Variants in BBX observed in about 807,000 individuals in gnomAD.
BBX encodes the protein HMG box transcription factor BBX.
A neutral mutation model predicts 100.2 loss-of-function variants in BBX; 30 were observed. The ratio of observed to expected loss-of-function variants is 0.30; its 90% confidence interval spans 0.22 to 0.41. The LOEUF is 0.41. BBX is among the 10% of genes least tolerant of loss of function. The pLI is 1.00. For missense variants in BBX, 1,023 were observed against 1,129.8 expected, an observed-to-expected ratio of 0.91 and a Z score of 1.35; for synonymous variants, 376 against 388.1, an observed-to-expected ratio of 0.97 and a Z score of 0.37.
chr3:107,673,913 C>A (rs1466927391), intron 3 of BBX, among the ~76,000 whole-genome samples: 1 of 152,120 alleles, frequency 6.6e-6, no homozygotes, highest in Admixed American at 6.5e-5. Flanking sequence ...ACAAAAGAGG[C>A]ACTGTCCTCG....
intron 3 of BBX, among the ~76,000 whole-genome samples, chr3:107,660,261 A>T (rs958995311): frequency 6.6e-6 from 1 of 152,094 alleles, no homozygotes; most frequent in South Asian, 2.1e-4. Flanking sequence ...GAATTATTTG[A>T]CTTTTCCAAA....
At chr3:107,596,231 A>C (rs973892458) in intron 2 of BBX, among the ~76,000 whole-genome samples, 1 of 152,148 alleles carries the variant, frequency 6.6e-6, no homozygotes, top group East Asian at 1.9e-4. Flanking sequence ...TTCCATGCCT[A>C]CTGCAGTTAG....
intron 1 of BBX, 76 bp from the exon 2 acceptor site, chr3:107,526,251 A>T (rs574814438): frequency 2.5e-6 from 1 of 398,484 alleles, no homozygotes; most frequent in Non-Finnish European, 4.4e-6. Flanking sequence ...CTCTTCATAG[A>T]TGTTACAGGA....
rs1273805645 is a variant in BBX, at chr3:107,728,940, A to G, written c.581A>G (p.Gln194Arg). Residue 194 changes from glutamine to arginine, a missense_variant, in exon 6 of 18, where the codon CAG becomes CGG. Physicochemically the swap from Gln to Arg is conservative, Grantham distance 43. Transcript: ENST00000325805. ...AAAGCAAAGACTGAAGAAATGCCTC[A>G]GCTTAACTTTGGAATGGCTGGTGAG... is the stretch of plus-strand genomic sequence containing the variant. ...PKKAKTEEMP[Q>R]LNFGMADPTQ... The G allele has an allele frequency of 5.6e-6, 9 of 1,613,532 alleles. No individual in the cohort carries two copies. Among genetic ancestry groups the G allele is most frequent in the Non-Finnish European group, 7.6e-6 (9 of 1,179,698 alleles).
At chr3:107,768,307 G>A (rs1305904387) in intron 10 of BBX, among the ~76,000 whole-genome samples, 2 of 152,208 alleles carry the variant, frequency 1.3e-5, no homozygotes, top group Non-Finnish European at 2.9e-5. Flanking sequence ...TTGGCATGCT[G>A]TATCCAGATT....
chr3:107,678,861 A>T (rs942323607), intron 3 of BBX, among the ~76,000 whole-genome samples: 1 of 152,180 alleles, frequency 6.6e-6, no homozygotes, highest in Non-Finnish European at 1.5e-5. Context: ...CAAGCAGTGT[A>T]TGTGTATATA....
chr3:107,683,876 A>T (rs1233773755), intron 3 of BBX, among the ~76,000 whole-genome samples: 1 of 152,206 alleles, frequency 6.6e-6, no homozygotes, highest in South Asian at 2.1e-4. Context: ...CCTTAAAAGC[A>T]TAGTTCTTTT....
rs1443691678 is a variant in BBX, at chr3:107,583,929, A to ATATATATATTATATATATTATTATAT, written c.-84+57561_-84+57586dup. 5.5e-4 allele frequency among the ~76,000 whole-genome samples: 44 copies of ATATATATATTATATATATTATTATAT among 80,606 alleles called. 4 individuals carry two copies. The highest frequency in any genetic ancestry group is 1.8e-3 in the African/African-American group (32 of 18,160). The allele number at this position is 80,606 out of a possible 152,430, so 52.9% of individuals were successfully genotyped here. On this transcript the variant is annotated intron_variant, in intron 2 of 17. Transcript: ENST00000325805. ...AAGTATAAATTATACTTTATATATA[A>ATATATATATTATATATATTATTATAT]TATATATATTATATATATTATTATA... is the stretch of plus-strand genomic sequence containing the variant.
intron 17 of BBX, among the ~76,000 whole-genome samples, chr3:107,801,656 T>G (rs1452100322): frequency 6.6e-6 from 1 of 152,086 alleles, no homozygotes; most frequent in Non-Finnish European, 1.5e-5. Context: ...CTCTCTACCC[T>G]TGGTTTTTTT....
chr3:107,710,120 A>G (rs1290577153), intron 3 of BBX, among the ~76,000 whole-genome samples: 1 of 152,230 alleles, frequency 6.6e-6, no homozygotes, highest in East Asian at 1.9e-4. Context: ...GTAAATACAC[A>G]CAGGTGAAGA....
intron 2 of BBX, among the ~76,000 whole-genome samples, chr3:107,629,102 C>G (rs1380901604): frequency 6.6e-6 from 1 of 152,046 alleles, no homozygotes; most frequent in Non-Finnish European, 1.5e-5. Flanking sequence ...AAATTTGGGT[C>G]TCTTTGTACT....
At chr3:107,525,788 T>G (rs910019032) in intron 1 of BBX, among the ~76,000 whole-genome samples, 2 of 152,140 alleles carry the variant, frequency 1.3e-5, no homozygotes, top group African/African-American at 4.8e-5. Flanking sequence ...ATCTCCAATC[T>G]GGGGATTGTG....
At chr3:107,527,611 A>G (rs949413265) in intron 2 of BBX, among the ~76,000 whole-genome samples, 5 of 152,194 alleles carry the variant, frequency 3.3e-5, no homozygotes, top group African/African-American at 1.2e-4. Flanking sequence ...AAATCTAGAG[A>G]ACTTTAGATA....
At chr3:107,682,107 A>G (rs1261281291) in intron 3 of BBX, among the ~76,000 whole-genome samples, 1 of 152,040 alleles carries the variant, frequency 6.6e-6, no homozygotes, top group Non-Finnish European at 1.5e-5. Flanking sequence ...TAATTTGATT[A>G]CTCTTTTTAA....
intron 3 of BBX, among the ~76,000 whole-genome samples, chr3:107,664,027 G>A (rs940859854): frequency 2.0e-5 from 3 of 152,144 alleles, no homozygotes; most frequent in African/African-American, 4.8e-5. Context: ...GGATGGTCTC[G>A]ATCTCCTGAC....
intron 2 of BBX, among the ~76,000 whole-genome samples, chr3:107,526,929 T>G (rs1208697745): frequency 6.6e-6 from 1 of 152,240 alleles, no homozygotes; most frequent in Non-Finnish European, 1.5e-5. Context: ...TTTAGTGCAC[T>G]AATTTGATTC....
At chr3:107,708,550 C>G (rs915992260) in intron 3 of BBX, among the ~76,000 whole-genome samples, 29 of 151,360 alleles carry the variant, frequency 1.9e-4, no homozygotes, top group African/African-American at 6.8e-4. Flanking sequence ...GGCGGGCGCC[C>G]GTAGTCCCAG....
chr3:107,698,489 A>G (rs2060819069), intron 3 of BBX, among the ~76,000 whole-genome samples: 1 of 151,420 alleles, frequency 6.6e-6, no homozygotes, highest in Non-Finnish European at 1.5e-5. Flanking sequence ...CATCTCTACT[A>G]AAAATAACAA....
chr3:107,598,195 G>C (rs892471430), intron 2 of BBX, among the ~76,000 whole-genome samples: 1 of 152,164 alleles, frequency 6.6e-6, no homozygotes, highest in African/African-American at 2.4e-5. Flanking sequence ...TTTCTAGGGG[G>C]TGTGTGTGTA....
Sources: allele counts gnomAD v4.1 joint callset (sites outside exome capture counted in the v4.1 genomes callset), GRCh38; gene constraint gnomAD v4.1.1; transcripts MANE v1.5; gene names NCBI Gene and HGNC (gene_info 2026-07-23, HGNC 2026-07-21).